The following LRRTM4 variants were observed in gnomAD, a reference collection of about 807,000 sequenced individuals.
The protein encoded by LRRTM4 is leucine rich repeat transmembrane neuronal 4.
LRRTM4 carries 25 observed loss-of-function variants against 47.6 expected under a neutral mutation model. That is an observed-to-expected ratio of 0.53 (90% CI 0.38 to 0.73). The LOEUF is 0.73. LRRTM4 is among the 30% of genes least tolerant of loss of function. LRRTM4 has a pLI of 0.00. For missense variants in LRRTM4, 638 were observed against 713.4 expected, an observed-to-expected ratio of 0.89 and a Z score of 1.20; for synonymous variants, 311 against 269.5, an observed-to-expected ratio of 1.15 and a Z score of -1.51.
chr2:77,139,953 C>T (rs1315087947), intron 3 of LRRTM4, among the ~76,000 whole-genome samples: 1 of 152,076 alleles, frequency 6.6e-6, no homozygotes, highest in East Asian at 1.9e-4. Context: ...AACTACAAAC[C>T]ACTTCTCAAT....
chr2:77,446,642 T>A (rs901503136), intron 3 of LRRTM4, among the ~76,000 whole-genome samples: 1 of 152,058 alleles, frequency 6.6e-6, no homozygotes, highest in Non-Finnish European at 1.5e-5. Flanking sequence ...AGCCACACTG[T>A]CTTCCTCTCA....
intron 3 of LRRTM4, among the ~76,000 whole-genome samples, chr2:76,832,016 C>T (rs1431101016): frequency 6.6e-6 from 1 of 151,960 alleles, no homozygotes; most frequent in Non-Finnish European, 1.5e-5. Flanking sequence ...AAATATTTTA[C>T]CAATTTTTAT....
At chr2:76,788,349 C>T (rs1200398504) in intron 3 of LRRTM4, among the ~76,000 whole-genome samples, 1 of 152,100 alleles carries the variant, frequency 6.6e-6, no homozygotes, top group Non-Finnish European at 1.5e-5. Context: ...TCTTGAATAA[C>T]CATTATCAGA....
chr2:77,386,793 G>C (rs576507949), intron 3 of LRRTM4, among the ~76,000 whole-genome samples: 43 of 152,184 alleles, frequency 2.8e-4, no homozygotes, highest in South Asian at 1.5e-3. Context: ...GTCGGGGAGT[G>C]GGGGGCAAGG....
chr2:77,187,964 T>C (rs1673557142), intron 3 of LRRTM4, among the ~76,000 whole-genome samples: 1 of 152,176 alleles, frequency 6.6e-6, no homozygotes, highest in Non-Finnish European at 1.5e-5. Context: ...ACTGTAGATA[T>C]TGTTCTATAT....
At chr2:77,014,878 T>G (rs1170501933) in intron 3 of LRRTM4, among the ~76,000 whole-genome samples, 1 of 152,152 alleles carries the variant, frequency 6.6e-6, no homozygotes, top group Non-Finnish European at 1.5e-5. Flanking sequence ...ATCTCATAAT[T>G]GACTTTTCAT....
chr2:76,903,366 C>G (rs1673709343), intron 3 of LRRTM4, among the ~76,000 whole-genome samples: 1 of 152,170 alleles, frequency 6.6e-6, no homozygotes, highest in East Asian at 1.9e-4. Context: ...GAAACCCCAT[C>G]TCTACTAAAA....
chr2:77,399,744 C>G (rs149016235), intron 3 of LRRTM4, among the ~76,000 whole-genome samples: 39 of 152,048 alleles, frequency 2.6e-4, no homozygotes, highest in Admixed American at 3.9e-4. Flanking sequence ...CAAAGTCACA[C>G]AGCAAGTTGC....
At chr2:77,319,159 C>T (rs956766797) in intron 3 of LRRTM4, among the ~76,000 whole-genome samples, 26 of 151,880 alleles carry the variant, frequency 1.7e-4, no homozygotes, top group South Asian at 4.1e-4. Flanking sequence ...TTGAGGCAGG[C>T]GGATCACTTG....
intron 3 of LRRTM4, among the ~76,000 whole-genome samples, chr2:77,161,884 A>T (rs911824446): frequency 6.6e-6 from 1 of 152,132 alleles, no homozygotes; most frequent in Non-Finnish European, 1.5e-5. Flanking sequence ...CAATTAGTTG[A>T]CCAATTAAGA....
At chr2:77,097,123 T>C (rs1670832656) in intron 3 of LRRTM4, among the ~76,000 whole-genome samples, 1 of 151,872 alleles carries the variant, frequency 6.6e-6, no homozygotes, top group South Asian at 2.1e-4. Context: ...CCAGGGTTAA[T>C]AATATAATAG....
intron 3 of LRRTM4, among the ~76,000 whole-genome samples, chr2:77,318,280 A>G (rs1332602364): frequency 3.7e-4 from 56 of 152,200 alleles, no homozygotes; most frequent in Admixed American, 3.7e-3. Flanking sequence ...TGTTGGGATT[A>G]CAGGCGTGAG....
intron 3 of LRRTM4, among the ~76,000 whole-genome samples, chr2:77,371,224 G>A (rs2103769387): frequency 1.3e-5 from 2 of 151,876 alleles, no homozygotes; most frequent in Admixed American, 1.3e-4. Flanking sequence ...TATCAGGAAA[G>A]TAAAATTCTA....
At chr2:76,850,478 T>G (rs963678145) in intron 3 of LRRTM4, among the ~76,000 whole-genome samples, 6 of 152,166 alleles carry the variant, frequency 3.9e-5, no homozygotes, top group African/African-American at 1.4e-4. Flanking sequence ...ATCCTCAATT[T>G]TGCCAGTTGA....
intron 3 of LRRTM4, among the ~76,000 whole-genome samples, chr2:76,822,913 A>C (rs1443587662): frequency 2.6e-5 from 4 of 151,470 alleles, no homozygotes; most frequent in South Asian, 4.1e-4. Context: ...TATAAAAGTA[A>C]TAAAATTATT....
At chr2:77,121,769 A>G (rs867484005) in intron 3 of LRRTM4, among the ~76,000 whole-genome samples, 34 of 151,932 alleles carry the variant, frequency 2.2e-4, no homozygotes, top group African/African-American at 7.5e-4. Context: ...CCATCTGGTA[A>G]AAACAAACAA....
chr2:76,847,435 A>G (rs565161496), intron 3 of LRRTM4, among the ~76,000 whole-genome samples: 1 of 151,964 alleles, frequency 6.6e-6, no homozygotes, highest in African/African-American at 2.4e-5. Context: ...TGACTTTCCT[A>G]TTTGTCATCT....
intron 3 of LRRTM4, among the ~76,000 whole-genome samples, chr2:77,198,070 AC>A (rs2103893622): frequency 6.6e-6 from 1 of 152,268 alleles, no homozygotes; most frequent in African/African-American, 2.4e-5. Flanking sequence ...AATTCTCAAA[AC>A]CTCAGTAGTT....
intron 3 of LRRTM4, among the ~76,000 whole-genome samples, chr2:77,449,524 G>A (rs1178690646): frequency 2.0e-5 from 3 of 152,070 alleles, no homozygotes; most frequent in Non-Finnish European, 2.9e-5. Context: ...CATTCCCAAA[G>A]TTATAGAAAC....
Sources: allele counts gnomAD v4.1 joint callset (sites outside exome capture counted in the v4.1 genomes callset), GRCh38; gene constraint gnomAD v4.1.1; transcripts MANE v1.5; gene names NCBI Gene and HGNC (gene_info 2026-07-23, HGNC 2026-07-21).